Variants in FSIP1 observed in about 807,000 individuals in gnomAD.
The protein encoded by FSIP1 is fibrous sheath interacting protein 1.
A neutral mutation model predicts 60.9 loss-of-function variants in FSIP1; 65 were observed. The ratio of observed to expected loss-of-function variants is 1.07; its 90% CI spans 0.87 to 1.31. The LOEUF (loss-of-function observed/expected upper bound fraction) is 1.31, where lower values mean the gene tolerates loss of function less well. Among genes scored for constraint, FSIP1 ranks in the 40% most tolerant of loss-of-function variants. The pLI, the probability that FSIP1 is intolerant of heterozygous loss-of-function variation, is 0.00. For missense variants in FSIP1, 675 were observed against 665.5 expected (o/e 1.01, Z -0.16); for synonymous variants, 209 against 221.2 (o/e 0.94, Z 0.49).
At chr15:39,597,937 G>A (rs762900753), downstream of FSIP1, 2 of 152,174 alleles carry the variant, frequency 1.3e-5, no homozygotes, top group Non-Finnish European at 2.9e-5. Context: ...TGAGGGAGGA[G>A]CTGTCCTTGC....
intron 10 of FSIP1, among the ~76,000 whole-genome samples, chr15:39,682,026 G>T (rs920707309): frequency 2.0e-5 from 3 of 152,122 alleles, no homozygotes; most frequent in African/African-American, 7.2e-5. Context: ...AAGTATAAAA[G>T]TTTAATAATT....
At chr15:39,708,428 T>C (rs140511212) in intron 10 of FSIP1, among the ~76,000 whole-genome samples, 1 of 152,298 alleles carries the variant, frequency 6.6e-6, no homozygotes, top group East Asian at 1.9e-4. Flanking sequence ...ACTTTCTTCC[T>C]CAATATTTAC....
In FSIP1 at chr15:39,600,219, G is replaced by A. The variant is rs1271614548; in HGVS notation, c.*661C>T. The A allele has an allele frequency of 6.6e-6, 1 of 152,224 alleles. No homozygotes were observed. The highest frequency in any genetic ancestry group is 2.4e-5 in the African/African-American group (1 of 41,454). 9.4% of individuals were successfully genotyped at this position (152,224 alleles called of 1,614,324 possible). ...CTCTCTTCAAATAGTACCGCAGACT[G>A]TCTTTTAAAGTAGCTCATCTTTATT... On this transcript the variant is annotated 3_prime_UTR_variant, in exon 12 of 12. Transcript: ENST00000350221.
At chr15:39,739,824 T>A in intron 6 of FSIP1, 35 bp from the exon 7 acceptor site, 2 of 1,359,884 alleles carry the variant, frequency 1.5e-6, no homozygotes, top group Non-Finnish European at 1.0e-6. Flanking sequence ...TTTTCATAAT[T>A]AAAAGTGTCA....
intron 10 of FSIP1, among the ~76,000 whole-genome samples, chr15:39,660,945 C>A (rs1893272039): frequency 6.6e-6 from 1 of 152,144 alleles, no homozygotes; most frequent in Admixed American, 6.5e-5. Context: ...CGCCTGTAAT[C>A]CAAGCTACTC....
At chr15:39,756,212 A>T (rs1366489762) in intron 5 of FSIP1, among the ~76,000 whole-genome samples, 1 of 152,174 alleles carries the variant, frequency 6.6e-6, no homozygotes, top group African/African-American at 2.4e-5. Context: ...TATAAATAAA[A>T]GTAAATGCAC....
At chr15:39,745,103 A>G (rs1011960287) in intron 5 of FSIP1, among the ~76,000 whole-genome samples, 1 of 71,598 alleles carries the variant, frequency 1.4e-5, no homozygotes, top group Non-Finnish European at 2.7e-5. Flanking sequence ...CCCGCCCCCC[A>G]CCCCGCCATC....
chr15:39,640,542 C>G (rs1244607458), intron 10 of FSIP1, among the ~76,000 whole-genome samples: 1 of 152,038 alleles, frequency 6.6e-6, no homozygotes, highest in Non-Finnish European at 1.5e-5. Flanking sequence ...TGCCCCGGGT[C>G]GCAGCGGAAA....
intron 10 of FSIP1, among the ~76,000 whole-genome samples, chr15:39,691,598 C>G (rs1894602533): frequency 6.6e-6 from 1 of 152,210 alleles, no homozygotes; most frequent in Non-Finnish European, 1.5e-5. Context: ...AATTAAAGTC[C>G]TTTCCAAAGA....
intron 2 of FSIP1, among the ~76,000 whole-genome samples, chr15:39,772,201 C>T (rs1399697287): frequency 1.3e-5 from 2 of 152,206 alleles, no homozygotes; most frequent in South Asian, 2.1e-4. Context: ...CCACTGGCCT[C>T]TCTATTCCTA....
intron 10 of FSIP1, among the ~76,000 whole-genome samples, chr15:39,672,795 T>C (rs1297539058): frequency 3.9e-5 from 6 of 152,186 alleles, no homozygotes; most frequent in Non-Finnish European, 8.8e-5. Flanking sequence ...CAAATGTTCA[T>C]AATCACTGTA....
chr15:39,623,396 C>A (rs1410019776), intron 10 of FSIP1, among the ~76,000 whole-genome samples: 1 of 152,128 alleles, frequency 6.6e-6, no homozygotes, highest in Non-Finnish European at 1.5e-5. Context: ...CTCCTAAAGA[C>A]CCACCCTATG....
intron 5 of FSIP1, among the ~76,000 whole-genome samples, chr15:39,755,630 G>A (rs1356649637): frequency 6.6e-6 from 1 of 152,108 alleles, no homozygotes; most frequent in African/African-American, 2.4e-5. Flanking sequence ...TATCAGAGTA[G>A]AAAGAGACTA....
At chr15:39,617,544 A>G (rs1891276670) in intron 11 of FSIP1, among the ~76,000 whole-genome samples, 191 bp downstream of exon 11, 2 of 152,232 alleles carry the variant, frequency 1.3e-5, no homozygotes, top group South Asian at 4.1e-4. Flanking sequence ...AACGTATTTC[A>G]TAGAGTACTA....
intron 10 of FSIP1, among the ~76,000 whole-genome samples, chr15:39,673,804 G>A (rs1893816162): frequency 6.6e-6 from 1 of 151,880 alleles, no homozygotes; most frequent in African/African-American, 2.4e-5. Flanking sequence ...CAACCCACCT[G>A]CATTAACTGC....
chr15:39,742,082 T>A (rs112920631), intron 5 of FSIP1, among the ~76,000 whole-genome samples, 182 bp from the exon 6 acceptor site: 1 of 152,210 alleles, frequency 6.6e-6, no homozygotes, highest in Non-Finnish European at 1.5e-5. Context: ...ATCACCTTTG[T>A]ATACAGGAGC....
chr15:39,689,222 T>A (rs976985794), intron 10 of FSIP1, among the ~76,000 whole-genome samples: 2 of 152,138 alleles, frequency 1.3e-5, no homozygotes, highest in African/African-American at 4.8e-5. Flanking sequence ...GAGCACAGAA[T>A]GTCATTGTCC....
rs559023434 is a variant in FSIP1, at chr15:39,727,417, A to G, written c.892-670T>C. 2.0e-5 allele frequency among the ~76,000 whole-genome samples: 3 copies of G among 152,356 alleles called. No individual in the cohort carries two copies. In the East Asian group the frequency reaches 5.8e-4, roughly 29 times the overall value. On this transcript the variant is annotated intron_variant, in intron 8 of 11. Coordinates refer to ENST00000350221, the MANE Select transcript of FSIP1 (RefSeq NM_152597.5). ...GCTCTGGGCACCATGGGAACCAGAG[A>G]GGATCAACTAACCTCTGTGAGCAGG...
intron 10 of FSIP1, among the ~76,000 whole-genome samples, chr15:39,678,938 T>C (rs916514936): frequency 6.6e-6 from 1 of 152,232 alleles, no homozygotes; most frequent in African/African-American, 2.4e-5. Flanking sequence ...GTTTTGTTAT[T>C]GTTGTTATCT....
Sources: gnomAD v4.1 joint callset for allele counts (sites outside exome capture counted in the v4.1 genomes callset) on GRCh38, gnomAD v4.1.1 for gene constraint, MANE v1.5 for transcripts, NCBI Gene and HGNC (gene_info 2026-07-23, HGNC 2026-07-21) for gene names.